RBM47: variants seen among roughly 807,000 people sequenced by gnomAD.
RBM47 encodes RNA-binding protein 47.
RBM47 carries 21 observed loss-of-function variants against 47.1 expected under a neutral mutation model. The ratio of observed to expected loss-of-function variants is 0.45; its 90% CI spans 0.32 to 0.64. RBM47 has a LOEUF of 0.64. Ranked by LOEUF, RBM47 falls within the 30% of genes least tolerant of loss-of-function variation. The pLI, the probability that RBM47 is intolerant of heterozygous loss-of-function variation, is 0.05. For synonymous variants in RBM47, 375 were observed against 361.7 expected (o/e 1.04, Z -0.42); for missense variants, 708 against 870.9 (o/e 0.81, Z 2.35).
rs866886878 is a variant in RBM47, at chr4:40,481,486, A to G, written c.-154-14787T>C. Among the ~76,000 whole-genome samples, 54 of 106,816 alleles carry G rather than the reference A, an allele frequency of 5.1e-4. No individual in the cohort carries two copies. The Middle Eastern group carries it at 0.04, about 80-fold the overall frequency. The allele number at this position is 106,816 out of a possible 152,430, so 70.1% of individuals were successfully genotyped here. The stretch of plus-strand genomic sequence containing the variant: ...TATTATTATTATTATTATTATTATT[A>G]TTTTTATTTTTATTTTTGAGATGTA... On this transcript the variant is annotated intron_variant, in intron 2 of 6. Coordinates refer to ENST00000295971, the MANE Select transcript of RBM47 (RefSeq NM_001098634.2).
intron 6 of RBM47, among the ~76,000 whole-genome samples, chr4:40,430,250 A>G (rs201189155): frequency 4.1e-5 from 1 of 24,690 alleles, no homozygotes; most frequent in Non-Finnish European, 7.2e-5. Flanking sequence ...AAAAACAAAC[A>G]AAAAAAAAAC....
At chr4:40,484,647 C>T (rs1720845004) in intron 2 of RBM47, among the ~76,000 whole-genome samples, 1 of 152,142 alleles carries the variant, frequency 6.6e-6, no homozygotes, top group Non-Finnish European at 1.5e-5. Flanking sequence ...TGCATAATTT[C>T]CCTTTGTTCC....
intron 1 of RBM47, among the ~76,000 whole-genome samples, chr4:40,553,573 A>G (rs574627638): frequency 5.9e-5 from 9 of 152,312 alleles, no homozygotes; most frequent in African/African-American, 1.9e-4. Context: ...CTGGGATTAC[A>G]GGTGTGAGCC....
At chr4:40,549,620 T>G (rs1427817370) in intron 1 of RBM47, among the ~76,000 whole-genome samples, 2 of 151,484 alleles carry the variant, frequency 1.3e-5, no homozygotes, top group African/African-American at 4.9e-5. Context: ...CCTCCCGGGT[T>G]CAAGCAATTC....
At chr4:40,551,700 G>C (rs1009366519) in intron 1 of RBM47, among the ~76,000 whole-genome samples, 2 of 150,076 alleles carry the variant, frequency 1.3e-5, no homozygotes, top group East Asian at 3.9e-4. Flanking sequence ...CCAGGTTGGA[G>C]TGCAGTGGTG....
At chr4:40,527,478 A>G (rs1369726123) in intron 2 of RBM47, among the ~76,000 whole-genome samples, 2 of 133,366 alleles carry the variant, frequency 1.5e-5, no homozygotes, top group African/African-American at 2.9e-5. Context: ...TTTAGTAGAG[A>G]CAGGGTTTCA....
In RBM47 at chr4:40,583,100, T is replaced by C. The variant is rs184349836; in HGVS notation, c.-239-38594A>G. Among the ~76,000 whole-genome samples the C allele has an allele frequency of 5.9e-5, 9 of 152,020 alleles. No homozygotes were observed. The East Asian group carries it at 1.7e-3, about 29-fold the overall frequency. On this transcript the variant is annotated intron_variant, in intron 1 of 6. Transcript: ENST00000295971. The stretch of plus-strand genomic sequence containing the variant: ...TTATGGGTTAATTGCAGAATGGGAA[T>C]AAAGAACAAGAAAGAGCAAAGGGAG...
Position 40,425,882 on chromosome 4 carries a change from G to A in RBM47, c.*22C>T. On this transcript the variant is annotated 3_prime_UTR_variant, in exon 7 of 7. Transcript: ENST00000295971. ...TCCTTCAGTGGTGTTTGTGTGGTCT[G>A]TCTTCGTGCTGGTCACCAGCCTCAG... 6.2e-7 allele frequency: 1 copy of A among 1,612,716 alleles called. No homozygotes were observed. The highest frequency in any genetic ancestry group is 8.5e-7 in the Non-Finnish European group (1 of 1,178,960).
At chr4:40,588,988 GTTTCT>G (rs1350522363) in intron 1 of RBM47, among the ~76,000 whole-genome samples, 5 of 132,556 alleles carry the variant, frequency 3.8e-5, no homozygotes, top group African/African-American at 1.4e-4. Flanking sequence ...TAGCTAAAGC[GTTTCT>G]TTTTTTTTTT....
chr4:40,487,731 T>C (rs1228581120), intron 2 of RBM47, among the ~76,000 whole-genome samples: 1 of 152,022 alleles, frequency 6.6e-6, no homozygotes, highest in Non-Finnish European at 1.5e-5. Context: ...AAGAGATAAA[T>C]CAAATTTAAT....
intron 2 of RBM47, among the ~76,000 whole-genome samples, chr4:40,505,216 C>A (rs1723928963): frequency 6.6e-6 from 1 of 151,974 alleles, no homozygotes; most frequent in African/African-American, 2.4e-5. Flanking sequence ...AGGCTGGGCA[C>A]TGTGGCTCAC....
chr4:40,597,214 C>T (rs1190656046), intron 1 of RBM47, among the ~76,000 whole-genome samples: 1 of 151,554 alleles, frequency 6.6e-6, no homozygotes, highest in African/African-American at 2.4e-5. Context: ...GAGCCGAGAT[C>T]GTGCCACTGC....
chr4:40,487,581 A>G (rs1721274004), intron 2 of RBM47, among the ~76,000 whole-genome samples: 2 of 152,166 alleles, frequency 1.3e-5, no homozygotes, highest in South Asian at 4.1e-4. Flanking sequence ...GTCAGCCCCC[A>G]TGCTTGGCCT....
Position 40,503,547 on chromosome 4 carries a change from G to A in RBM47, c.-154-36848C>T, listed in dbSNP as rs1560426290. Among the ~76,000 whole-genome samples, 3 of 152,212 alleles carry A rather than the reference G, an allele frequency of 2.0e-5. No individual in the cohort carries two copies. The East Asian group carries it at 5.8e-4, about 29-fold the overall frequency. On this transcript the variant is annotated intron_variant, in intron 2 of 6. Transcript: ENST00000295971. The stretch of plus-strand genomic sequence containing the variant: ...GAAGGGCAGCAGAGACAGTGACTGT[G>A]GTTACCCCTCACTGCTGCCCCTCAC...
Position 40,437,790 on chromosome 4 carries a change from G to A in RBM47, c.1104C>T (p.Asn368=). 4 of 1,606,668 alleles carry A rather than the reference G, an allele frequency of 2.5e-6. No individual in the cohort carries two copies. The highest frequency in any genetic ancestry group is 1.7e-4 in the Middle Eastern group (1 of 6,032). The part of the protein sequence containing the change: ...GYPYNALIGP[N]RDYFVKAGSI... ...ACTAACCTTTCACAAAGTAGTCCCT[G>A]TTGGGCCCAATGAGCGCGTTGTAGG... Residue 368 remains asparagine, a synonymous_variant, in exon 4 of 7, where the codon AAC becomes AAT. Transcript: ENST00000295971.
At chr4:40,437,138 C>CATATATATATATATAATACAT (rs1166644165) in intron 4 of RBM47, among the ~76,000 whole-genome samples, 1 of 76,366 alleles carries the variant, frequency 1.3e-5, no homozygotes, top group Non-Finnish European at 2.2e-5. Context: ...ATATAAAATA[C>CATATATATATATATAATACAT]ATATATATAT....
At chr4:40,502,598 A>G (rs1723519260) in intron 2 of RBM47, among the ~76,000 whole-genome samples, 1 of 152,208 alleles carries the variant, frequency 6.6e-6, no homozygotes, top group Non-Finnish European at 1.5e-5. Context: ...TAATCCCAGC[A>G]TTTTGGGAAG....
chr4:40,510,812 C>T (rs112239765), intron 2 of RBM47, among the ~76,000 whole-genome samples: 14 of 152,234 alleles, frequency 9.2e-5, no homozygotes, highest in African/African-American at 3.1e-4. Context: ...TGGCTCACAC[C>T]TGTAATCCCA....
At chr4:40,613,681 G>A (rs1398355261) in intron 1 of RBM47, among the ~76,000 whole-genome samples, 1 of 152,034 alleles carries the variant, frequency 6.6e-6, no homozygotes, top group South Asian at 2.1e-4. Flanking sequence ...AACAGGCCAG[G>A]TATGGTGACT....
Sources: gnomAD v4.1 joint callset for allele counts (sites outside exome capture counted in the v4.1 genomes callset) on GRCh38, gnomAD v4.1.1 for gene constraint, MANE v1.5 for transcripts, NCBI Gene and HGNC (gene_info 2026-07-23, HGNC 2026-07-21) for gene names.